SLC38A8: variants seen among roughly 807,000 people sequenced by gnomAD.
SLC38A8 encodes solute carrier family 38 member 8, also known as amino acid transporter SLC38A8.
SLC38A8 carries 65 observed loss-of-function variants against 46.0 expected under a neutral mutation model. That is an observed-to-expected ratio of 1.41 (90% CI 1.16 to 1.74). The LOEUF (loss-of-function observed/expected upper bound fraction) is 1.74. Among genes scored for constraint, SLC38A8 ranks in the 40% most tolerant of loss-of-function variants. SLC38A8 has a pLI of 0.00. For missense variants in SLC38A8, 998 were observed against 567.9 expected (o/e 1.76, Z -7.70); for synonymous variants, 447 against 243.7 (o/e 1.83, Z -7.77).
chr16:84,022,917 A>G (rs772177079), intron 6 of SLC38A8, 28 bp from the exon 7 acceptor site: 1 of 1,520,804 alleles, frequency 6.6e-7, no homozygotes, highest in Non-Finnish European at 8.8e-7. Context: ...GCTCAGCAGG[A>G]TGCTGGCTTC....
intron 6 of SLC38A8, among the ~76,000 whole-genome samples, chr16:84,029,059 G>T (rs182026629): frequency 6.6e-6 from 1 of 152,144 alleles, no homozygotes; most frequent in Admixed American, 6.6e-5. Context: ...TCAGGAGGCA[G>T]GATCTTTCCT....
intron 9 of SLC38A8, among the ~76,000 whole-genome samples, chr16:84,014,038 A>G (rs909843580): frequency 2.1e-5 from 3 of 144,640 alleles, no homozygotes; most frequent in Admixed American, 6.8e-5. Context: ...GCCTGAGGGA[A>G]GGGCTGTGTG....
At chr16:84,017,024 A>G (rs867203528) in intron 8 of SLC38A8, 116 bp downstream of exon 8, 22 of 1,381,788 alleles carry the variant, frequency 1.6e-5, no homozygotes, top group African/African-American at 4.4e-5. Flanking sequence ...CCTCCTGTCT[A>G]CAATTGGAGA....
At chr16:84,013,481 A>G (rs1438439412) in intron 9 of SLC38A8, among the ~76,000 whole-genome samples, 1 of 118,516 alleles carries the variant, frequency 8.4e-6, no homozygotes, top group Non-Finnish European at 1.6e-5. Context: ...GCCAGGCTGG[A>G]GTGCAGTGGC....
Position 84,017,145 on chromosome 16 carries a change from C to A in SLC38A8, c.948G>T (p.Leu316=). ...CCCACTGAGCCAGGCCTCACCTCCC[C>A]AGGAAGAGCACGATGGGGTAGACAG... ...IVTVYPIVLF[L]GRSVMQDFWR... The change falls in exon 8 of 11, where the codon CTG becomes CTT. Residue 316 remains leucine (L), a synonymous_variant. Transcript: ENST00000299709. 1.2e-6 allele frequency: 2 copies of A among 1,614,102 alleles called. No individual in the cohort carries two copies. Among genetic ancestry groups the A allele is most frequent in the Non-Finnish European group, 8.5e-7 (1 of 1,180,010 alleles).
intron 5 of SLC38A8, 55 bp downstream of exon 5, chr16:84,031,812 C>A (rs528777066): frequency 1.4e-6 from 2 of 1,470,440 alleles, no homozygotes. Flanking sequence ...CCCTCACAGA[C>A]TCCCCTGCCG....
rs908418032 is a variant in SLC38A8 at position 84,028,018 on chromosome 16, G to A, written c.690+1476C>T. Reference sequence around the variant, plus strand: ...CTGAAGCAGCACGCCGACTGATTACGAGGAAGAGAAATGGAAATGTTTCAA... The same window carrying A: ...CTGAAGCAGCACGCCGACTGATTACAAGGAAGAGAAATGGAAATGTTTCAA... On this transcript the variant is annotated intron_variant, in intron 6 of 10. Coordinates refer to ENST00000299709, the MANE Select transcript of SLC38A8 (RefSeq NM_001080442.3). Among the ~76,000 whole-genome samples the A allele has an allele frequency of 5.9e-5, 9 of 151,978 alleles. No homozygotes were observed. The South Asian group carries it at 8.3e-4, about 14-fold the overall frequency.
chr16:84,032,960 GGGTGTGCATGGGGGGGTGTGGGTAGGT>G (rs1365711115), intron 4 of SLC38A8, among the ~76,000 whole-genome samples: 1 of 139,154 alleles, frequency 7.2e-6, no homozygotes, highest in African/African-American at 3.1e-5. Flanking sequence ...GTGGGTAGGT[GGGTGTGCATGGGGGGGTGTGGGTAGGT>G]GGGTGTGCAT....
intron 6 of SLC38A8, among the ~76,000 whole-genome samples, chr16:84,025,847 C>T (rs62045924): frequency 0.1 from 15,397 of 152,302 alleles, 906 homozygotes; most frequent in Non-Finnish European, 0.14. Flanking sequence ...CCTCAGGCAC[C>T]GCGCACCCCT....
intron 7 of SLC38A8, among the ~76,000 whole-genome samples, chr16:84,019,779 A>T (rs1406256773): frequency 6.6e-6 from 1 of 152,254 alleles, no homozygotes; most frequent in Non-Finnish European, 1.5e-5. Flanking sequence ...CAAAAGAAAC[A>T]TTCTCATCCC....
intron 4 of SLC38A8, among the ~76,000 whole-genome samples, chr16:84,032,943 G>C (rs1205475221): frequency 1.6e-4 from 23 of 139,436 alleles, no homozygotes; most frequent in African/African-American, 4.9e-4. Flanking sequence ...GGTGTGCATG[G>C]GTGGGTGTGG....
At chr16:84,042,457 A>G in intron 1 of SLC38A8, 94 bp downstream of exon 1, 1 of 246,544 alleles carries the variant, frequency 4.1e-6, no homozygotes. Context: ...AACCTTCCTC[A>G]TCCCCATCAA....
chr16:84,013,730 T>G (rs1597248535), intron 9 of SLC38A8, among the ~76,000 whole-genome samples: 1 of 70,308 alleles, frequency 1.4e-5, no homozygotes, highest in Admixed American at 1.3e-4. Context: ...CACCCAGCCC[T>G]TTTTTTTTTT....
chr16:84,028,898 G>T (rs922269592), intron 6 of SLC38A8, among the ~76,000 whole-genome samples: 2 of 152,094 alleles, frequency 1.3e-5, no homozygotes, highest in Admixed American at 1.3e-4. Flanking sequence ...ACCTTGAGCG[G>T]ACACCTCTGA....
At chr16:84,040,825 A>G (rs1449296973) in intron 2 of SLC38A8, among the ~76,000 whole-genome samples, 1 of 152,200 alleles carries the variant, frequency 6.6e-6, no homozygotes, top group Admixed American at 6.5e-5. Flanking sequence ...AGCTGATGAC[A>G]TGCATCTTGT....
intron 2 of SLC38A8, 130 bp from the exon 3 acceptor site, chr16:84,037,030 G>C: frequency 2.2e-6 from 2 of 901,088 alleles, no homozygotes; most frequent in Non-Finnish European, 3.4e-6. Context: ...CCAACATGGG[G>C]TTGGCAGTCT....
At chr16:84,027,737 G>T (rs1397689921) in intron 6 of SLC38A8, among the ~76,000 whole-genome samples, 1 of 152,198 alleles carries the variant, frequency 6.6e-6, no homozygotes, top group African/African-American at 2.4e-5. Flanking sequence ...CCGTGTCCCT[G>T]GAAACGCAGC....
At chr16:84,014,503 C>G (rs896154194) in intron 9 of SLC38A8, among the ~76,000 whole-genome samples, 1 of 151,876 alleles carries the variant, frequency 6.6e-6, no homozygotes, top group Non-Finnish European at 1.5e-5. Flanking sequence ...CCTGTGAAAG[C>G]GCCACCCTAA....
At chr16:84,033,524 G>A (rs1377218874) in intron 3 of SLC38A8, 55 bp from the exon 4 acceptor site, 7 of 1,517,850 alleles carry the variant, frequency 4.6e-6, no homozygotes, top group African/African-American at 2.8e-5. Flanking sequence ...GTGGGTTCTC[G>A]GCTCCCACCT....
Sources: gnomAD v4.1 joint callset for allele counts (sites outside exome capture counted in the v4.1 genomes callset) on GRCh38, gnomAD v4.1.1 for gene constraint, MANE v1.5 for transcripts, NCBI Gene and HGNC (gene_info 2026-07-23, HGNC 2026-07-21) for gene names.